KLRG1: variants seen among roughly 807,000 people sequenced by gnomAD.
The protein encoded by KLRG1 is killer cell lectin like receptor G1.
In KLRG1, 16 loss-of-function variants were observed where a neutral mutation model predicts 21.8. The ratio of observed to expected loss-of-function variants is 0.73; its 90% confidence interval spans 0.50 to 1.11. KLRG1 has a LOEUF of 1.11. Ranked by LOEUF, KLRG1 falls within the 50% of genes most tolerant of loss-of-function variation. KLRG1 has a pLI of 0.00. For missense variants in KLRG1, 173 were observed against 218.3 expected (o/e 0.79, Z 1.31); for synonymous variants, 69 against 75.9 (o/e 0.91, Z 0.47).
the KLRG1 span, among the ~76,000 whole-genome samples, chr12:9,085,907 C>G: frequency 6.6e-6 from 1 of 151,994 alleles, no homozygotes; most frequent in Non-Finnish European, 1.5e-5. Context: ...GAAATGAATG[C>G]ATTCCTAGAC....
the KLRG1 span, chr12:9,135,427 GAGA>G: frequency 5.6e-6 from 2 of 354,316 alleles, no homozygotes; most frequent in East Asian, 1.9e-4. Context: ...TGCAGAATTG[GAGA>G]AGATGGCTCC....
chr12:9,162,436 T>C, the KLRG1 span: 1 of 602,582 alleles, frequency 1.7e-6, no homozygotes, highest in Non-Finnish European at 2.9e-6. Flanking sequence ...TTGGGCTCAA[T>C]GTCTTCATCT....
chr12:9,169,671 A>G, the KLRG1 span: 1 of 1,301,876 alleles, frequency 7.7e-7, no homozygotes, highest in Non-Finnish European at 1.0e-6. Context: ...AAATAAAATA[A>G]TTATCACCAA....
the KLRG1 span, among the ~76,000 whole-genome samples, chr12:9,197,642 T>TA: frequency 5.0e-4 from 32 of 64,280 alleles, 2 homozygotes; most frequent in South Asian, 0.013. Context: ...ATATATTATA[T>TA]TATATAATAT....
At chr12:9,085,293 G>A in the KLRG1 span, among the ~76,000 whole-genome samples, 4,240 of 152,066 alleles carry the variant, frequency 0.028, 188 homozygotes, top group African/African-American at 0.091. Context: ...GACTGAAATC[G>A]TTTCATCGTA....
At chr12:9,079,589 A>T in the KLRG1 span, 1 of 1,538,180 alleles carries the variant, frequency 6.5e-7, no homozygotes, top group Non-Finnish European at 8.9e-7. Context: ...CTACTGGGAA[A>T]TCCAGTTGAA....
the KLRG1 span, among the ~76,000 whole-genome samples, chr12:9,190,588 T>C: frequency 6.6e-6 from 1 of 152,032 alleles, no homozygotes; most frequent in African/African-American, 2.4e-5. Flanking sequence ...AAAATAATTA[T>C]TGGGTAGTAG....
At chr12:9,077,021 A>T in the KLRG1 span, 1 of 1,326,046 alleles carries the variant, frequency 7.5e-7, no homozygotes. Context: ...CACAGCACAG[A>T]AGTTTTTCAA....
At chr12:9,095,741 ACTTTTT>A in the KLRG1 span, 3 of 437,060 alleles carry the variant, frequency 6.9e-6, no homozygotes, top group Non-Finnish European at 7.0e-6. Context: ...CTTATTTGTG[ACTTTTT>A]TTTTTTTTTT....
At chr12:9,120,852 CGTGT>C in the KLRG1 span, among the ~76,000 whole-genome samples, 397 of 143,468 alleles carry the variant, frequency 2.8e-3, 2 homozygotes, top group African/African-American at 7.0e-3. Context: ...ATCCCACTAA[CGTGT>C]GTGTGTGTGT....
chr12:9,065,611 G>A, the KLRG1 span, among the ~76,000 whole-genome samples: 378 of 152,320 alleles, frequency 2.5e-3, 1 homozygote, highest in African/African-American at 8.6e-3. Flanking sequence ...ACTTGCAGGC[G>A]CTCCTTGGCA....
intron 1 of KLRG1, among the ~76,000 whole-genome samples, chr12:8,976,096 G>A (rs924200167): frequency 1.3e-5 from 2 of 152,070 alleles, no homozygotes; most frequent in African/African-American, 4.8e-5. Context: ...GAATGTAGAT[G>A]TTTATTGCTC....
chr12:8,998,467 T>C (rs1295872255), intron 3 of KLRG1, among the ~76,000 whole-genome samples: 1 of 152,066 alleles, frequency 6.6e-6, no homozygotes, highest in African/African-American at 2.4e-5. Flanking sequence ...GGCAGGTGGA[T>C]TGCTTGAACC....
At chr12:9,153,152 T>C in the KLRG1 span, 2 of 1,614,176 alleles carry the variant, frequency 1.2e-6, no homozygotes, top group Non-Finnish European at 1.7e-6. Flanking sequence ...TTTCCCCAGT[T>C]ACTGTTATGA....
chr12:8,983,049 A>G (rs922618042), intron 1 of KLRG1, among the ~76,000 whole-genome samples: 1 of 152,158 alleles, frequency 6.6e-6, no homozygotes, highest in African/African-American at 2.4e-5. Flanking sequence ...AATTATTGAT[A>G]AGACTGGCTT....
At chr12:9,068,890 C>A in the KLRG1 span, 6 of 1,378,304 alleles carry the variant, frequency 4.4e-6, no homozygotes, top group South Asian at 6.7e-5. Context: ...GCTTTCTTCT[C>A]TCTTTGAATT....
the KLRG1 span, among the ~76,000 whole-genome samples, chr12:9,125,057 C>T: frequency 6.6e-6 from 1 of 152,202 alleles, no homozygotes; most frequent in East Asian, 1.9e-4. Context: ...TAGCAGGAGA[C>T]GATGGGACAA....
the KLRG1 span, chr12:9,156,075 G>A: frequency 4.4e-6 from 1 of 227,428 alleles, no homozygotes. Flanking sequence ...GAGTGTGCTT[G>A]ATTTGTTCTG....
chr12:9,009,191 G>A (rs1947567521), intron 4 of KLRG1, 116 bp downstream of exon 4: 4 of 896,028 alleles, frequency 4.5e-6, no homozygotes, highest in Non-Finnish European at 6.7e-6. Context: ...AGAATGAAAA[G>A]GAGAGGAAAT....
Sources: allele counts gnomAD v4.1 joint callset (sites outside exome capture counted in the v4.1 genomes callset), GRCh38; gene constraint gnomAD v4.1.1; transcripts MANE v1.5; gene names NCBI Gene and HGNC (gene_info 2026-07-23, HGNC 2026-07-21).